DENND1B: variants seen among roughly 807,000 people sequenced by gnomAD.
DENND1B encodes DENN domain-containing protein 1B.
DENND1B carries 59 observed loss-of-function variants against 90.1 expected under a neutral mutation model. The ratio of observed to expected loss-of-function variants is 0.65; its 90% CI spans 0.53 to 0.81. The LOEUF (loss-of-function observed/expected upper bound fraction) is 0.81. Ranked by LOEUF, DENND1B falls within the 40% of genes least tolerant of loss-of-function variation. The probability of loss-of-function intolerance (pLI) is 0.00; values close to 1 mark genes in which losing one functional copy is unlikely to be tolerated. For synonymous variants in DENND1B, 337 were observed against 324.6 expected, an observed-to-expected ratio of 1.04 and a Z score of -0.41; for missense variants, 862 against 912.6, an observed-to-expected ratio of 0.94 and a Z score of 0.71.
At chr1:197,718,045 T>A (rs985085709) in intron 2 of DENND1B, among the ~76,000 whole-genome samples, 7 of 152,030 alleles carry the variant, frequency 4.6e-5, no homozygotes, top group African/African-American at 1.7e-4. Context: ...GAAGAATATG[T>A]ATGAAGAAAT....
At position 197,634,416 on chromosome 1, in the gene DENND1B, G is replaced by A. The variant is rs1292303958; in HGVS notation, c.672+8295C>T. Among the ~76,000 whole-genome samples, 7 of 152,198 alleles carry A rather than the reference G, an allele frequency of 4.6e-5. No individual in the cohort carries two copies. In the South Asian group the frequency reaches 1.0e-3, roughly 23 times the overall value. ...GTTAAGCATTCCTTAAATGAGGAACGATTCAATGAATGAACAAATGAACAT... is the reference window on the plus strand; with the variant it reads ...GTTAAGCATTCCTTAAATGAGGAACAATTCAATGAATGAACAAATGAACAT... On this transcript the variant is annotated intron_variant, in intron 10 of 22. Coordinates refer to ENST00000620048, the MANE Select transcript of DENND1B (RefSeq NM_001195215.2).
intron 2 of DENND1B, among the ~76,000 whole-genome samples, chr1:197,726,609 G>A (rs915880137): frequency 9.2e-5 from 14 of 152,322 alleles, no homozygotes; most frequent in African/African-American, 2.9e-4. Flanking sequence ...TAATCGCAGT[G>A]AGACATTAAG....
In DENND1B at chr1:197,573,609, G is replaced by T. The variant is rs558945027; in HGVS notation, c.1149+9543C>A. 5.3e-5 allele frequency among the ~76,000 whole-genome samples: 8 copies of T among 152,262 alleles called. No individual in the cohort carries two copies. In the South Asian group the frequency reaches 1.7e-3, roughly 32 times the overall value. On this transcript the variant is annotated intron_variant, in intron 15 of 22. Transcript: ENST00000620048. ...CTCCCTAACTCATTTTATGAGGCCA[G>T]TATCGTCTGGATACCAAAGCCTGGC...
intron 14 of DENND1B, among the ~76,000 whole-genome samples, chr1:197,590,135 T>C (rs1675064917): frequency 6.6e-6 from 1 of 152,206 alleles, no homozygotes; most frequent in Admixed American, 6.5e-5. Flanking sequence ...TTTGTGGTTA[T>C]GCTAAAGGGA....
At chr1:197,605,572 T>C (rs984943902) in intron 13 of DENND1B, 6 of 151,050 alleles carry the variant, frequency 4.0e-5, no homozygotes, top group Non-Finnish European at 5.9e-5. Context: ...TTCTTAAAAG[T>C]TGGGATTCTA....
chr1:197,760,501 C>T (rs529316204), intron 2 of DENND1B, among the ~76,000 whole-genome samples: 1 of 151,990 alleles, frequency 6.6e-6, no homozygotes, highest in African/African-American at 2.4e-5. Flanking sequence ...ATTAGCTGGG[C>T]ATGGTGGTGT....
intron 3 of DENND1B, among the ~76,000 whole-genome samples, chr1:197,683,941 T>A (rs1469203677): frequency 1.3e-5 from 2 of 152,208 alleles, no homozygotes; most frequent in Non-Finnish European, 2.9e-5. Flanking sequence ...GGAACAAGTA[T>A]GTCTCCAAAG....
At chr1:197,555,368 A>C (rs1308269483) in intron 15 of DENND1B, among the ~76,000 whole-genome samples, 1 of 152,146 alleles carries the variant, frequency 6.6e-6, no homozygotes, top group Non-Finnish European at 1.5e-5. Context: ...TTGGGGCCCA[A>C]TTAAACTAAA....
chr1:197,534,244 T>A (rs1669719393), intron 20 of DENND1B, among the ~76,000 whole-genome samples: 1 of 152,200 alleles, frequency 6.6e-6, no homozygotes, highest in Non-Finnish European at 1.5e-5. Flanking sequence ...TGTATATTAT[T>A]TCCACTTGTA....
chr1:197,639,680 G>A (rs1256975118), intron 10 of DENND1B, among the ~76,000 whole-genome samples: 13 of 151,900 alleles, frequency 8.6e-5, no homozygotes, highest in South Asian at 6.2e-4. Flanking sequence ...TATAGTCTCC[G>A]TGATATATAA....
intron 10 of DENND1B, among the ~76,000 whole-genome samples, chr1:197,621,743 G>A (rs182758416): frequency 1.3e-5 from 2 of 151,336 alleles, no homozygotes; most frequent in East Asian, 2.0e-4. Flanking sequence ...AGGGTAAAGG[G>A]AAGAATTTCC....
chr1:197,763,276 T>TA (rs1655323185), intron 2 of DENND1B, among the ~76,000 whole-genome samples: 1 of 152,190 alleles, frequency 6.6e-6, no homozygotes, highest in African/African-American at 2.4e-5. Context: ...TCACTTCTTT[T>TA]TATATATATT....
chr1:197,762,899 GA>G (rs1371061617), intron 2 of DENND1B, among the ~76,000 whole-genome samples: 138 of 152,248 alleles, frequency 9.1e-4, no homozygotes, highest in Admixed American at 2.0e-3. Flanking sequence ...TTGTAAGGCT[GA>G]ATAATATTCC....
chr1:197,551,358 A>G (rs1241469648), intron 16 of DENND1B, among the ~76,000 whole-genome samples: 1 of 152,168 alleles, frequency 6.6e-6, no homozygotes, highest in Non-Finnish European at 1.5e-5. Flanking sequence ...TTCCTTTTAG[A>G]TAAGTACTGG....
At chr1:197,682,732 T>C (rs915587486) in intron 3 of DENND1B, among the ~76,000 whole-genome samples, 1 of 151,848 alleles carries the variant, frequency 6.6e-6, no homozygotes, top group Non-Finnish European at 1.5e-5. Flanking sequence ...GGAGGGGAAG[T>C]AGGGGTGGTC....
chr1:197,556,393 G>A (rs1164980565), intron 15 of DENND1B, among the ~76,000 whole-genome samples: 3 of 151,876 alleles, frequency 2.0e-5, no homozygotes, highest in African/African-American at 7.2e-5. Flanking sequence ...GGAAAAATGT[G>A]GTTTAATCAT....
At chr1:197,668,708 C>A (rs954849316) in intron 5 of DENND1B, among the ~76,000 whole-genome samples, 1 of 151,646 alleles carries the variant, frequency 6.6e-6, no homozygotes, top group Admixed American at 6.6e-5. Context: ...CTACTATAAA[C>A]CATGCTGTAA....
intron 8 of DENND1B, 104 bp from the exon 9 acceptor site, chr1:197,645,847 G>A (rs953846498): frequency 1.5e-6 from 1 of 676,470 alleles, no homozygotes; most frequent in African/African-American, 1.9e-5. Flanking sequence ...ATTAAAAAAT[G>A]CCATGGACTG....
At chr1:197,511,175 T>G (rs1182493712) in intron 22 of DENND1B, among the ~76,000 whole-genome samples, 2 of 151,836 alleles carry the variant, frequency 1.3e-5, no homozygotes, top group Non-Finnish European at 2.9e-5. Flanking sequence ...GCCTTGCAGC[T>G]GTCACCTAAC....
Sources: gnomAD v4.1 joint callset for allele counts (sites outside exome capture counted in the v4.1 genomes callset) on GRCh38, gnomAD v4.1.1 for gene constraint, MANE v1.5 for transcripts, NCBI Gene and HGNC (gene_info 2026-07-23, HGNC 2026-07-21) for gene names.